PHKA1: variants seen among roughly 807,000 people sequenced by gnomAD.
The protein encoded by PHKA1 is phosphorylase kinase regulatory subunit alpha 1.
Under a neutral mutation model 110.2 loss-of-function variants are expected in PHKA1, and 60 were observed. The ratio of observed to expected loss-of-function variants is 0.54; its 90% CI spans 0.44 to 0.68. The LOEUF (loss-of-function observed/expected upper bound fraction) is 0.68, where lower values mean the gene tolerates loss of function less well. PHKA1 is among the 30% of genes least tolerant of loss of function. The pLI is 0.00. For missense variants in PHKA1, 801 were observed against 942.5 expected (o/e 0.85, Z 1.97); for synonymous variants, 316 against 333.6 (o/e 0.95, Z 0.58).
At chrX:72,665,192 A>G (rs781823326) in intron 8 of PHKA1, among the ~76,000 whole-genome samples, 1 of 111,750 alleles carries the variant, frequency 8.9e-6, no homozygotes, top group Non-Finnish European at 1.9e-5. Flanking sequence ...TAAATAAAAT[A>G]AGAAATAAAA....
intron 21 of PHKA1, among the ~76,000 whole-genome samples, chrX:72,617,672 T>C (rs1270490422): frequency 3.6e-5 from 4 of 111,145 alleles, no homozygotes; most frequent in African/African-American, 1.3e-4. Context: ...GATTGAAGTA[T>C]GAAGAAACAG....
At chrX:72,596,272 C>T (rs781979247) in intron 28 of PHKA1, among the ~76,000 whole-genome samples, 5 of 111,040 alleles carry the variant, frequency 4.5e-5, no homozygotes, top group Admixed American at 9.6e-5. Context: ...GAGAGTAGAA[C>T]GGTAGTTGTC....
At chrX:72,680,393 T>C (rs906173995) in intron 5 of PHKA1, among the ~76,000 whole-genome samples, 6 of 112,722 alleles carry the variant, frequency 5.3e-5, no homozygotes, top group South Asian at 3.6e-4. Context: ...ACAACAAATT[T>C]GTCATCAGAA....
At chrX:72,641,748 T>C (rs1382873632) in intron 14 of PHKA1, among the ~76,000 whole-genome samples, 1 of 111,831 alleles carries the variant, frequency 8.9e-6, no homozygotes, top group African/African-American at 3.2e-5. Context: ...ATTATGGTTG[T>C]CATTTGACGT....
chrX:72,703,963 CTTG>C (rs1336695098), intron 3 of PHKA1, among the ~76,000 whole-genome samples: 1 of 111,698 alleles, frequency 9.0e-6, no homozygotes, highest in Non-Finnish European at 1.9e-5. Context: ...TAAAAACACT[CTTG>C]TATGCAAAAA....
chrX:72,590,107 C>T (rs927970246), intron 29 of PHKA1, among the ~76,000 whole-genome samples: 24 of 111,579 alleles, frequency 2.2e-4, no homozygotes, highest in African/African-American at 3.3e-4. Flanking sequence ...AAAAAGAGCC[C>T]GCATTGCCAA....
Position 72,619,261 on chromosome X carries a change from G to C in PHKA1, c.2182C>G (p.Pro728Ala). ...LPTKLFQASR[P>A]SFNLLDSPHP... Reference sequence around the variant, plus strand: ...GGTGAATCAAGTAAGTTGAATGAAGGCCGGGAAGCCTGAAATAACTTCGTA... The same window carrying C: ...GGTGAATCAAGTAAGTTGAATGAAGCCCGGGAAGCCTGAAATAACTTCGTA... The change falls in exon 20 of 32, where the codon CCT (proline) becomes GCT (alanine). Residue 728 changes from proline to alanine, a missense_variant. By Grantham distance (27) the Pro-to-Ala change is conservative. Coordinates refer to ENST00000373542, the MANE Select transcript of PHKA1 (RefSeq NM_002637.4). 1 of 1,197,099 alleles carries C rather than the reference G, an allele frequency of 8.4e-7. No homozygotes were observed. The highest frequency in any genetic ancestry group is 1.7e-5 in the African/African-American group (1 of 57,524).
At chrX:72,591,737 T>C (rs1157455315) in intron 29 of PHKA1, among the ~76,000 whole-genome samples, 1 of 112,106 alleles carries the variant, frequency 8.9e-6, no homozygotes, top group African/African-American at 3.2e-5. Flanking sequence ...TCTAAATATC[T>C]TTATAACAAA....
At chrX:72,648,220 G>T (rs1033281099) in intron 13 of PHKA1, among the ~76,000 whole-genome samples, 4 of 111,748 alleles carry the variant, frequency 3.6e-5, no homozygotes, top group Non-Finnish European at 7.5e-5. Flanking sequence ...TCTAGAGAAT[G>T]CTGGGGAAGA....
At chrX:72,613,378 T>TAC (rs60746566) in intron 21 of PHKA1, among the ~76,000 whole-genome samples, 5,062 of 97,899 alleles carry the variant, frequency 0.052, 260 homozygotes, top group African/African-American at 0.15. Flanking sequence ...CATGGGAGGA[T>TAC]ACACACACAC....
At chrX:72,658,590 G>A (rs1238377344) in intron 8 of PHKA1, among the ~76,000 whole-genome samples, 1 of 110,725 alleles carries the variant, frequency 9.0e-6, no homozygotes, top group African/African-American at 3.3e-5. Context: ...CAGTCATCAT[G>A]TCTCCTTAGT....
chrX:72,669,987 A>G (rs1333024837), intron 6 of PHKA1, among the ~76,000 whole-genome samples: 1 of 111,097 alleles, frequency 9.0e-6, no homozygotes, highest in African/African-American at 3.3e-5. Context: ...ACTAGTTTAC[A>G]GTCCCACCAA....
chrX:72,665,374 G>T (rs908056190), intron 8 of PHKA1, among the ~76,000 whole-genome samples: 1 of 111,308 alleles, frequency 9.0e-6, no homozygotes, highest in South Asian at 3.8e-4. Context: ...GACAAATAAC[G>T]AGTAATGGGA....
chrX:72,650,160 A>G (rs1178862761), intron 13 of PHKA1, among the ~76,000 whole-genome samples: 4 of 111,856 alleles, frequency 3.6e-5, no homozygotes, highest in African/African-American at 1.3e-4. Context: ...GGAGTGGTTA[A>G]GGGTGTCAAA....
chrX:72,693,854 G>C (rs1556324544), intron 4 of PHKA1, among the ~76,000 whole-genome samples: 1 of 111,380 alleles, frequency 9.0e-6, no homozygotes, highest in South Asian at 3.8e-4. Context: ...ATGCTGAGGT[G>C]GGGTGGAGGG....
intron 28 of PHKA1, among the ~76,000 whole-genome samples, chrX:72,600,609 C>T (rs2052645957): frequency 1.8e-5 from 2 of 111,782 alleles, no homozygotes; most frequent in African/African-American, 6.5e-5. Flanking sequence ...AATATAAATG[C>T]CATAGGGTAT....
At chrX:72,632,328 C>T (rs1012044222) in intron 16 of PHKA1, among the ~76,000 whole-genome samples, 1 of 111,580 alleles carries the variant, frequency 9.0e-6, no homozygotes, top group Non-Finnish European at 1.9e-5. Context: ...TTGCTTTATA[C>T]ATTTAATTCA....
In PHKA1 at chrX:72,690,956, C is replaced by T. The variant is rs781970887; in HGVS notation, c.454+4752G>A. 1.4e-3 allele frequency among the ~76,000 whole-genome samples: 157 copies of T among 111,754 alleles called. 1 individual carries two copies. Among genetic ancestry groups the T allele is most frequent in the African/African-American group, 4.1e-3 (127 of 30,777 alleles). ...CTAATTTTTGTATTCTTAGTAGAGA[C>T]GGGGTTTTGCCATGTTGGCCAGGCT... On this transcript the variant is annotated intron_variant, in intron 4 of 31. Coordinates refer to ENST00000373542, the MANE Select transcript of PHKA1 (RefSeq NM_002637.4).
At chrX:72,623,492 T>C (rs1039025530) in intron 17 of PHKA1, among the ~76,000 whole-genome samples, 2 of 111,537 alleles carry the variant, frequency 1.8e-5, no homozygotes, top group South Asian at 3.8e-4. Context: ...GTTACAATTA[T>C]GGATTAACAA....
Sources: allele counts gnomAD v4.1 joint callset (sites outside exome capture counted in the v4.1 genomes callset), GRCh38; gene constraint gnomAD v4.1.1; transcripts MANE v1.5; gene names NCBI Gene and HGNC (gene_info 2026-07-23, HGNC 2026-07-21).